RERE: variants seen among roughly 807,000 people sequenced by gnomAD.
The protein encoded by RERE is arginine-glutamic acid dipeptide repeats.
RERE carries 40 observed loss-of-function variants against 146.1 expected under a neutral mutation model. The observed-to-expected ratio is 0.27, with a 90% CI of 0.21 to 0.36. The LOEUF (loss-of-function observed/expected upper bound fraction) is 0.36. Ranked by LOEUF, RERE falls within the 10% of genes least tolerant of loss-of-function variation. RERE has a pLI of 1.00. For missense variants in RERE, 1,933 were observed against 2,138.7 expected (o/e 0.90, Z 1.90); for synonymous variants, 1,003 against 866.0 (o/e 1.16, Z -2.78).
intron 1 of RERE, among the ~76,000 whole-genome samples, chr1:8,799,711 T>C (rs1369889972): frequency 1.3e-5 from 2 of 151,988 alleles, no homozygotes; most frequent in Non-Finnish European, 2.9e-5. Context: ...CCAAAACAAA[T>C]TCGTAAACTT....
In RERE at chr1:8,359,788, C is replaced by T; in HGVS notation, c.3594G>A (p.Arg1198=). 6.2e-7 allele frequency: 1 copy of T among 1,601,272 alleles called. No homozygotes were observed. Among genetic ancestry groups the T allele is most frequent in the Non-Finnish European group, 8.5e-7 (1 of 1,178,722 alleles). Reference sequence around the variant, plus strand: ...CAGCCGCCCGCTCTGCCTCGCGCTCCCGCTCTCGCTCCCGCTCCCGCTCCT... The same window carrying T: ...CAGCCGCCCGCTCTGCCTCGCGCTCTCGCTCTCGCTCCCGCTCCCGCTCCT... The part of the protein sequence containing the change: ...KEKERERERE[R]EREAERAAKA... Residue 1198 remains arginine (R), a synonymous_variant, in exon 19 of 23, where the codon CGG becomes CGA. Transcript: ENST00000400908.
At chr1:8,778,496 A>C (rs1473020093) in intron 1 of RERE, among the ~76,000 whole-genome samples, 1 of 152,228 alleles carries the variant, frequency 6.6e-6, no homozygotes, top group African/African-American at 2.4e-5. Flanking sequence ...ATACTATAGA[A>C]GACTTCATTT....
At chr1:8,710,379 C>G (rs72639691) in intron 1 of RERE, among the ~76,000 whole-genome samples, 45 of 152,266 alleles carry the variant, frequency 3.0e-4, no homozygotes, top group Non-Finnish European at 5.9e-4. Flanking sequence ...ACAAAAAGCC[C>G]AAGACAGACT....
At chr1:8,568,745 A>G (rs1274339459) in intron 4 of RERE, among the ~76,000 whole-genome samples, 2 of 152,150 alleles carry the variant, frequency 1.3e-5, no homozygotes, top group African/African-American at 2.4e-5. Context: ...AGGTATTCAG[A>G]AAAAAAGACT....
intron 6 of RERE, among the ~76,000 whole-genome samples, chr1:8,553,932 C>G (rs1211023578): frequency 6.6e-6 from 1 of 152,170 alleles, no homozygotes; most frequent in African/African-American, 2.4e-5. Flanking sequence ...AATCCCAGCA[C>G]TTTGGGAGGC....
intron 8 of RERE, 44 bp downstream of exon 8, chr1:8,508,583 A>G: frequency 1.4e-6 from 2 of 1,443,256 alleles, no homozygotes; most frequent in South Asian, 2.3e-5. Context: ...GCAGAGTAAT[A>G]AGAAACAAAA....
intron 2 of RERE, among the ~76,000 whole-genome samples, chr1:8,650,735 A>G (rs1475200482): frequency 6.6e-6 from 1 of 152,064 alleles, no homozygotes; most frequent in Non-Finnish European, 1.5e-5. Flanking sequence ...CGTCTCTACT[A>G]AAAACACAAA....
At chr1:8,635,319 G>A (rs1647084350) in intron 2 of RERE, among the ~76,000 whole-genome samples, 1 of 152,090 alleles carries the variant, frequency 6.6e-6, no homozygotes, top group Non-Finnish European at 1.5e-5. Flanking sequence ...GGGTTGTAAG[G>A]GATTTTGTCT....
chr1:8,400,064 G>A (rs1249771358), intron 12 of RERE, among the ~76,000 whole-genome samples: 1 of 151,956 alleles, frequency 6.6e-6, no homozygotes, highest in Middle Eastern at 3.2e-3. Context: ...TACTTTGTTG[G>A]TGGTGGTCCA....
chr1:8,725,540 T>G (rs1294582959), intron 1 of RERE, among the ~76,000 whole-genome samples: 1 of 152,232 alleles, frequency 6.6e-6, no homozygotes, highest in African/African-American at 2.4e-5. Flanking sequence ...CACTCCAGCC[T>G]GAGCAACAGA....
chr1:8,510,086 G>A (rs1570366922), intron 7 of RERE, among the ~76,000 whole-genome samples: 1 of 152,122 alleles, frequency 6.6e-6, no homozygotes, highest in East Asian at 1.9e-4. Flanking sequence ...AAGACAAGGA[G>A]GAGGAGGAGA....
intron 11 of RERE, among the ~76,000 whole-genome samples, chr1:8,461,963 G>A: frequency 6.6e-6 from 1 of 151,988 alleles, no homozygotes; most frequent in East Asian, 1.9e-4. Context: ...TCCAACCTCA[G>A]CCTCCCAAGT....
chr1:8,780,289 G>T (rs538144392), intron 1 of RERE, among the ~76,000 whole-genome samples: 1 of 152,252 alleles, frequency 6.6e-6, no homozygotes, highest in South Asian at 2.1e-4. Context: ...GCTTTGGGTA[G>T]ACATTACAGC....
intron 4 of RERE, among the ~76,000 whole-genome samples, chr1:8,575,193 G>C (rs999621966): frequency 6.6e-6 from 1 of 152,060 alleles, no homozygotes; most frequent in Non-Finnish European, 1.5e-5. Flanking sequence ...AGTTCTGCTA[G>C]AACAACTTGA....
chr1:8,788,955 CCAAAACT>C (rs1641309441), intron 1 of RERE, among the ~76,000 whole-genome samples: 1 of 151,012 alleles, frequency 6.6e-6, no homozygotes, highest in Non-Finnish European at 1.5e-5. Context: ...TGAAATGATC[CCAAAACT>C]CAGACCTGAA....
intron 4 of RERE, among the ~76,000 whole-genome samples, chr1:8,573,454 A>C (rs1646248619): frequency 6.6e-6 from 1 of 152,164 alleles, no homozygotes; most frequent in Non-Finnish European, 1.5e-5. Context: ...CATTACACTT[A>C]CATGATCCAT....
At chr1:8,441,677 T>A (rs1644250359) in intron 11 of RERE, among the ~76,000 whole-genome samples, 1 of 152,226 alleles carries the variant, frequency 6.6e-6, no homozygotes. Context: ...AGAATTCAAA[T>A]AACTGAGTGA....
At chr1:8,593,208 G>C (rs533045739) in intron 4 of RERE, among the ~76,000 whole-genome samples, 1 of 152,130 alleles carries the variant, frequency 6.6e-6, no homozygotes, top group East Asian at 1.9e-4. Context: ...TGTTAGGCAC[G>C]GCTACTGGAA....
chr1:8,357,049 C>T (rs552577857), intron 20 of RERE, among the ~76,000 whole-genome samples: 2 of 152,338 alleles, frequency 1.3e-5, no homozygotes, highest in African/African-American at 2.4e-5. Context: ...ACTGCCCCTG[C>T]GCCCAGCTCT....
Sources: gnomAD v4.1 joint callset for allele counts (sites outside exome capture counted in the v4.1 genomes callset) on GRCh38, gnomAD v4.1.1 for gene constraint, MANE v1.5 for transcripts, NCBI Gene and HGNC (gene_info 2026-07-23, HGNC 2026-07-21) for gene names.